TSHZ2: variants seen among roughly 807,000 people sequenced by gnomAD.
TSHZ2 encodes teashirt homolog 2.
Under a neutral mutation model 74.4 loss-of-function variants are expected in TSHZ2, and 21 were observed. The ratio of observed to expected loss-of-function variants is 0.28; its 90% CI spans 0.20 to 0.41. TSHZ2 has a LOEUF of 0.41. Among genes scored for constraint, TSHZ2 ranks in the 10% least tolerant of loss-of-function variants. TSHZ2 has a pLI of 1.00. For missense variants in TSHZ2, 1,244 were observed against 1,293.5 expected, an observed-to-expected ratio of 0.96 and a Z score of 0.59; for synonymous variants, 540 against 515.3, an observed-to-expected ratio of 1.05 and a Z score of -0.65.
intron 1 of TSHZ2, among the ~76,000 whole-genome samples, chr20:53,165,673 G>A (rs772325835): frequency 1.6e-4 from 24 of 152,214 alleles, no homozygotes; most frequent in Non-Finnish European, 2.5e-4. Context: ...CCAATTGGGC[G>A]ACTAATGAGA....
chr20:53,371,928 G>C (rs545989613), intron 2 of TSHZ2, among the ~76,000 whole-genome samples: 14 of 151,276 alleles, frequency 9.3e-5, no homozygotes, highest in Non-Finnish European at 1.9e-4. Flanking sequence ...CCCTCAGAAG[G>C]CTCTAGAAAA....
chr20:53,314,228 C>A (rs1207596045), intron 2 of TSHZ2, among the ~76,000 whole-genome samples: 2 of 150,026 alleles, frequency 1.3e-5, no homozygotes, highest in East Asian at 3.9e-4. Context: ...GCGGTGGTTG[C>A]AGTGAGCCAA....
chr20:53,348,220 T>G (rs1980513890), intron 2 of TSHZ2, among the ~76,000 whole-genome samples: 1 of 152,212 alleles, frequency 6.6e-6, no homozygotes, highest in South Asian at 2.1e-4. Flanking sequence ...AAGCACTCTT[T>G]GCAATAGCCA....
chr20:53,160,310 C>T (rs1360551144), intron 1 of TSHZ2, among the ~76,000 whole-genome samples: 1 of 152,168 alleles, frequency 6.6e-6, no homozygotes, highest in African/African-American at 2.4e-5. Context: ...CTTTCACCTT[C>T]ATGGGTTCAG....
Position 52,974,128 on chromosome 20 carries a change from GT to G in TSHZ2, c.40+804del, listed in dbSNP as rs569357837. 3.0e-4 allele frequency among the ~76,000 whole-genome samples: 45 copies of G among 151,636 alleles called. 1 individual carries two copies. The South Asian group carries it at 5.4e-3, about 18-fold the overall frequency. On this transcript the variant is annotated intron_variant, in intron 1 of 2. Transcript: ENST00000371497. ...GGATCAGTACAATAGACCTTCTAAAGTTTTTTTTTCTTTTGGGTTGCTTAAT... is the reference window on the plus strand; with the variant it reads ...GGATCAGTACAATAGACCTTCTAAAGTTTTTTTTCTTTTGGGTTGCTTAAT...
intron 2 of TSHZ2, among the ~76,000 whole-genome samples, chr20:53,307,238 C>T (rs1195539788): frequency 6.6e-6 from 1 of 152,166 alleles, no homozygotes; most frequent in African/African-American, 2.4e-5. Context: ...CCCTTGAACC[C>T]AGAACACTGA....
chr20:53,382,535 G>A (rs1981897786), intron 2 of TSHZ2, among the ~76,000 whole-genome samples: 1 of 152,152 alleles, frequency 6.6e-6, no homozygotes, highest in Non-Finnish European at 1.5e-5. Context: ...TGAAAACAGG[G>A]ACCCAAAGAG....
chr20:53,209,100 A>T (rs1015759026), intron 1 of TSHZ2, among the ~76,000 whole-genome samples: 25 of 149,666 alleles, frequency 1.7e-4, no homozygotes, highest in South Asian at 4.2e-4. Flanking sequence ...AAATATGCAC[A>T]TTTTTTTTTT....
chr20:53,243,177 A>G (rs763380643), intron 1 of TSHZ2, among the ~76,000 whole-genome samples: 8 of 152,030 alleles, frequency 5.3e-5, no homozygotes, highest in Non-Finnish European at 1.2e-4. Flanking sequence ...GGAAAGGGGG[A>G]ATCTTTTATA....
intron 1 of TSHZ2, among the ~76,000 whole-genome samples, chr20:53,072,440 A>G (rs1985205825): frequency 6.6e-6 from 1 of 152,172 alleles, no homozygotes; most frequent in Admixed American, 6.5e-5. Flanking sequence ...CATTGACTGA[A>G]TGCTCACAGC....
chr20:53,454,963 T>C (rs968019397), intron 2 of TSHZ2, among the ~76,000 whole-genome samples: 11 of 152,208 alleles, frequency 7.2e-5, no homozygotes, highest in African/African-American at 2.7e-4. Flanking sequence ...GACCAAATTC[T>C]CTTTCTTACC....
chr20:53,229,798 G>GAGGA lies in TSHZ2; in HGVS notation c.41-23687_41-23684dup, dbSNP rs567209973. ...GGGAGAGAGGGAGGAGGGAGGGAGG[G>GAGGA]AGGAAGGAAGGAAGGAAAAAAAGAG... On this transcript the variant is annotated intron_variant, in intron 1 of 2. Coordinates refer to ENST00000371497, the MANE Select transcript of TSHZ2 (RefSeq NM_173485.6). Among the ~76,000 whole-genome samples, 1,293 of 148,958 alleles carry GAGGA rather than the reference G, an allele frequency of 8.7e-3. 2 individuals carry two copies. The highest frequency in any genetic ancestry group is 0.014 in the Non-Finnish European group (957 of 67,258).
intron 2 of TSHZ2, among the ~76,000 whole-genome samples, chr20:53,453,462 G>A (rs960947682): frequency 2.0e-5 from 3 of 152,038 alleles, no homozygotes; most frequent in African/African-American, 7.3e-5. Context: ...CCTAGCTTGG[G>A]GTCCTTCAGA....
intron 2 of TSHZ2, among the ~76,000 whole-genome samples, chr20:53,360,414 G>A (rs780652189): frequency 4.6e-5 from 7 of 152,158 alleles, no homozygotes; most frequent in Non-Finnish European, 8.8e-5. Context: ...GTTAACCGAA[G>A]TCAATAAATA....
At chr20:53,352,232 C>CTTTTTTTT (rs142220716) in intron 2 of TSHZ2, among the ~76,000 whole-genome samples, 4 of 57,906 alleles carry the variant, frequency 6.9e-5, no homozygotes, top group Non-Finnish European at 9.2e-5. Flanking sequence ...CTCCTAAGCT[C>CTTTTTTTT]TTTTTTTTTT....
At chr20:53,484,899 C>T (rs374601157) in intron 2 of TSHZ2, among the ~76,000 whole-genome samples, 1 of 152,106 alleles carries the variant, frequency 6.6e-6, no homozygotes, top group Non-Finnish European at 1.5e-5. Context: ...TGTCTTTATC[C>T]TTCCACTAGA....
intron 1 of TSHZ2, among the ~76,000 whole-genome samples, chr20:53,050,124 T>TATATGTGTGTATATATATATATATAC (rs1409158633): frequency 6.5e-5 from 7 of 107,236 alleles, no homozygotes; most frequent in Non-Finnish European, 1.0e-4. Context: ...TATATATATA[T>TATATGTGTGTATATATATATATATAC]ACACATATAT....
chr20:53,226,752 C>T (rs57152784), intron 1 of TSHZ2, among the ~76,000 whole-genome samples: 2,778 of 152,134 alleles, frequency 0.018, 97 homozygotes, highest in African/African-American at 0.064. Context: ...TTAGTGGCCT[C>T]CTCAGCCTCT....
At chr20:53,355,742 A>G (rs1432384884) in intron 2 of TSHZ2, among the ~76,000 whole-genome samples, 1 of 152,102 alleles carries the variant, frequency 6.6e-6, no homozygotes, top group Non-Finnish European at 1.5e-5. Flanking sequence ...AAACAAATGA[A>G]TTTTATGACA....
Sources: gnomAD v4.1 joint callset for allele counts (sites outside exome capture counted in the v4.1 genomes callset) on GRCh38, gnomAD v4.1.1 for gene constraint, MANE v1.5 for transcripts, NCBI Gene and HGNC (gene_info 2026-07-23, HGNC 2026-07-21) for gene names.